The following MEGF11 variants were observed in gnomAD, a reference collection of about 807,000 sequenced individuals.
The protein encoded by MEGF11 is multiple EGF like domains 11.
A neutral mutation model predicts 146.6 loss-of-function variants in MEGF11; 126 were observed. The ratio of observed to expected loss-of-function variants is 0.86; its 90% CI spans 0.74 to 1.00. The LOEUF is 1.00. Ranked by LOEUF, MEGF11 falls within the 50% of genes least tolerant of loss-of-function variation. The pLI is 0.00. For missense variants in MEGF11, 1,509 were observed against 1,521.2 expected (o/e 0.99, Z 0.13); for synonymous variants, 532 against 583.4 (o/e 0.91, Z 1.27).
intron 1 of MEGF11, among the ~76,000 whole-genome samples, chr15:66,138,835 A>G (rs1039516744): frequency 4.6e-5 from 7 of 152,216 alleles, no homozygotes; most frequent in Non-Finnish European, 8.8e-5. Context: ...GCCCCAGGGA[A>G]AATATCAGCA....
chr15:65,984,131 A>T (rs958746538), intron 5 of MEGF11, among the ~76,000 whole-genome samples: 3 of 152,178 alleles, frequency 2.0e-5, no homozygotes, highest in African/African-American at 7.2e-5. Flanking sequence ...CTGAACTGCC[A>T]AGTTATGAGT....
At chr15:65,983,331 A>G (rs1456875758) in intron 5 of MEGF11, among the ~76,000 whole-genome samples, 1 of 152,206 alleles carries the variant, frequency 6.6e-6, no homozygotes, top group African/African-American at 2.4e-5. Context: ...CTCTACGGCT[A>G]TGGAAAGGGG....
intron 9 of MEGF11, among the ~76,000 whole-genome samples, chr15:65,960,125 TATATC>T (rs1428196068): frequency 1.3e-5 from 2 of 152,224 alleles, no homozygotes; most frequent in Non-Finnish European, 2.9e-5. Context: ...AATATGAAAA[TATATC>T]AAATCTAAAA....
Position 65,964,957 on chromosome 15 carries a change from C to A in MEGF11, c.1063G>T (p.Gly355Cys), listed in dbSNP as rs868646603. Reference sequence around the variant, plus strand: ...GGGCAGGGCAGGGTGCAGCCTGGGCCATGCAGGCCCTCCGGGCACAGTCGC... The same window carrying A: ...GGGCAGGGCAGGGTGCAGCCTGGGCAATGCAGGCCCTCCGGGCACAGTCGC... Reference protein sequence around the residue: ...QERLCPEGLHGPGCTLPCPCD... With the variant: ...QERLCPEGLHCPGCTLPCPCD... Residue 355 changes from glycine to cysteine, a missense_variant, in exon 9 of 26, where the codon GGC becomes TGC. Transcript: ENST00000395614. The A allele has an allele frequency of 6.4e-7, 1 of 1,574,250 alleles. No individual in the cohort carries two copies. The highest frequency in any genetic ancestry group is 1.3e-5 in the African/African-American group (1 of 74,162).
intron 13 of MEGF11, among the ~76,000 whole-genome samples, chr15:65,925,953 C>T (rs1461034101): frequency 6.6e-6 from 1 of 152,216 alleles, no homozygotes; most frequent in African/African-American, 2.4e-5. Flanking sequence ...CCTGTCTCCC[C>T]TGCCAGCAAT....
At chr15:66,026,309 A>C (rs1412652982) in intron 5 of MEGF11, among the ~76,000 whole-genome samples, 1 of 152,216 alleles carries the variant, frequency 6.6e-6, no homozygotes, top group Non-Finnish European at 1.5e-5. Context: ...GGTGGTGCTG[A>C]TGCTGCAGGA....
chr15:66,230,384 T>C (rs1270959618), intron 1 of MEGF11, among the ~76,000 whole-genome samples: 1 of 152,202 alleles, frequency 6.6e-6, no homozygotes, highest in African/African-American at 2.4e-5. Context: ...ATAAACGTAT[T>C]TCCCCTCAGG....
chr15:65,949,276 C>G (rs2080306385), intron 10 of MEGF11, among the ~76,000 whole-genome samples: 1 of 152,204 alleles, frequency 6.6e-6, no homozygotes, highest in Non-Finnish European at 1.5e-5. Flanking sequence ...GAGGGAAATT[C>G]AATCACTGCT....
At chr15:66,205,879 G>A (rs774732693) in intron 1 of MEGF11, among the ~76,000 whole-genome samples, 47 of 152,340 alleles carry the variant, frequency 3.1e-4, no homozygotes, top group Non-Finnish European at 4.9e-4. Context: ...ACATGAAAAT[G>A]TCCAGGTTTC....
Position 65,915,613 on chromosome 15 carries a change from GAGTT to G in MEGF11, c.2345-19_2345-16del. The G allele has an allele frequency of 6.2e-7, 1 of 1,613,164 alleles. No individual in the cohort carries two copies. Among genetic ancestry groups the G allele is most frequent in the Non-Finnish European group, 8.5e-7 (1 of 1,179,322 alleles). ...TGGGGCACATCCTGTGTGGCACAAA[GAGTT>G]AGGGTAGAGGACCCACTCACTCTCC... On this transcript the variant is annotated splice_polypyrimidine_tract_variant and intron_variant, in intron 18 of 25. Transcript: ENST00000395614.
At chr15:66,108,501 C>G (rs959050695) in intron 4 of MEGF11, among the ~76,000 whole-genome samples, 1 of 152,108 alleles carries the variant, frequency 6.6e-6, no homozygotes, top group African/African-American at 2.4e-5. Context: ...ACAAAACAGG[C>G]TAAGAGGGTA....
chr15:66,159,231 T>C (rs572538369), intron 1 of MEGF11, among the ~76,000 whole-genome samples: 3 of 152,218 alleles, frequency 2.0e-5, no homozygotes, highest in Non-Finnish European at 4.4e-5. Flanking sequence ...TTGAAGTCCA[T>C]GTAGTAGAAC....
intron 5 of MEGF11, among the ~76,000 whole-genome samples, chr15:66,080,821 C>T (rs1479812048): frequency 1.3e-5 from 2 of 152,240 alleles, no homozygotes; most frequent in African/African-American, 4.8e-5. Context: ...GGGGCTGACA[C>T]AGAGCCCACC....
At chr15:65,948,424 G>T (rs1313869000) in intron 10 of MEGF11, among the ~76,000 whole-genome samples, 1 of 151,868 alleles carries the variant, frequency 6.6e-6, no homozygotes, top group Non-Finnish European at 1.5e-5. Context: ...CCTGCATCTC[G>T]CTCAGTGCGC....
intron 5 of MEGF11, among the ~76,000 whole-genome samples, chr15:66,011,020 G>A (rs1054927931): frequency 3.9e-5 from 6 of 152,184 alleles, no homozygotes; most frequent in Admixed American, 1.3e-4. Context: ...CACACTCATT[G>A]GTACAATACA....
At position 66,162,855 on chromosome 15, in the gene MEGF11, G is replaced by GA. The variant is rs1364430274; in HGVS notation, c.-8-34445dup. ...TTTTTCGAGGAAAAGAAATGAGAGA[G>GA]AAAAAAAAGAAATCTAATTGAATTA... On this transcript the variant is annotated intron_variant, in intron 1 of 25. Transcript: ENST00000395614. Among the ~76,000 whole-genome samples the GA allele has an allele frequency of 7.5e-5, 11 of 146,514 alleles. No individual in the cohort carries two copies. In the East Asian group the frequency reaches 1.8e-3, roughly 24 times the overall value.
At chr15:66,134,124 G>T (rs1285297501) in intron 1 of MEGF11, among the ~76,000 whole-genome samples, 1 of 152,156 alleles carries the variant, frequency 6.6e-6, no homozygotes, top group African/African-American at 2.4e-5. Context: ...GCCCAGCAGA[G>T]AGCAAGTGGC....
At chr15:66,134,666 A>G (rs1368414128) in intron 1 of MEGF11, among the ~76,000 whole-genome samples, 1 of 152,248 alleles carries the variant, frequency 6.6e-6, no homozygotes, top group East Asian at 1.9e-4. Flanking sequence ...GCCCCCTTAA[A>G]GAAAACATTC....
At chr15:66,154,047 A>G (rs1271138937) in intron 1 of MEGF11, among the ~76,000 whole-genome samples, 3 of 152,232 alleles carry the variant, frequency 2.0e-5, no homozygotes, top group African/African-American at 7.2e-5. Flanking sequence ...CTGGGCTGCC[A>G]CTAGCCCCTC....
Sources: gnomAD v4.1 joint callset for allele counts (sites outside exome capture counted in the v4.1 genomes callset) on GRCh38, gnomAD v4.1.1 for gene constraint, MANE v1.5 for transcripts, NCBI Gene and HGNC (gene_info 2026-07-23, HGNC 2026-07-21) for gene names.